Variants in SAMD12 observed in about 807,000 individuals in gnomAD.
SAMD12 encodes sterile alpha motif domain containing 12.
In SAMD12, 9 loss-of-function variants were observed where a neutral mutation model predicts 15.0. The ratio of observed to expected loss-of-function variants is 0.60; its 90% CI spans 0.36 to 1.05. The LOEUF is 1.05. SAMD12 is among the 50% of genes least tolerant of loss of function. SAMD12 has a pLI of 0.01. For synonymous variants in SAMD12, 86 were observed against 90.1 expected, an observed-to-expected ratio of 0.96 and a Z score of 0.25; for missense variants, 230 against 234.2, an observed-to-expected ratio of 0.98 and a Z score of 0.12.
At chr8:118,570,182 G>C (rs536165771) in intron 2 of SAMD12, among the ~76,000 whole-genome samples, 1 of 152,312 alleles carries the variant, frequency 6.6e-6, no homozygotes, top group South Asian at 2.1e-4. Context: ...GAGGGTAGCA[G>C]AAGTCATAGG....
intron 2 of SAMD12, among the ~76,000 whole-genome samples, chr8:118,477,742 C>T (rs1280597946): frequency 1.3e-5 from 2 of 152,026 alleles, no homozygotes; most frequent in Non-Finnish European, 1.5e-5. Context: ...TGGCCGGGCG[C>T]GGTGGCTCAC....
At chr8:118,302,013 A>G (rs1307312314) in intron 4 of SAMD12, among the ~76,000 whole-genome samples, 2 of 151,602 alleles carry the variant, frequency 1.3e-5, no homozygotes, top group African/African-American at 2.4e-5. Flanking sequence ...ACCAGTATAT[A>G]AATACACAGA....
At chr8:118,597,631 T>C (rs1489549426) in intron 1 of SAMD12, among the ~76,000 whole-genome samples, 1 of 152,194 alleles carries the variant, frequency 6.6e-6, no homozygotes, top group African/African-American at 2.4e-5. Context: ...AGGAGTTGGC[T>C]CTGCCAACTG....
the SAMD12 span, among the ~76,000 whole-genome samples, chr8:118,132,373 A>T: frequency 6.6e-6 from 1 of 152,156 alleles, no homozygotes; most frequent in East Asian, 1.9e-4. Context: ...TGCAATGGGG[A>T]ATGCACAACC....
intron 2 of SAMD12, among the ~76,000 whole-genome samples, chr8:118,442,720 T>C (rs920807600): frequency 2.0e-5 from 3 of 152,210 alleles, no homozygotes; most frequent in Non-Finnish European, 4.4e-5. Flanking sequence ...TTCCTTCGGA[T>C]TAGCTGAATG....
chr8:118,582,886 G>A (rs1000809428), intron 1 of SAMD12, among the ~76,000 whole-genome samples: 5 of 150,588 alleles, frequency 3.3e-5, no homozygotes, highest in Admixed American at 3.3e-4. Context: ...CATCTCGGTA[G>A]TTTCATCAAG....
At chr8:118,340,901 G>A (rs991062354) in intron 4 of SAMD12, among the ~76,000 whole-genome samples, 2 of 152,170 alleles carry the variant, frequency 1.3e-5, no homozygotes, top group Non-Finnish European at 2.9e-5. Flanking sequence ...GGAAGGAATG[G>A]GGATCAGAAC....
At chr8:118,286,264 T>G (rs916953435) in intron 4 of SAMD12, among the ~76,000 whole-genome samples, 1 of 151,844 alleles carries the variant, frequency 6.6e-6, no homozygotes, top group African/African-American at 2.4e-5. Flanking sequence ...CATGTATACA[T>G]ATGTAACAAA....
intron 4 of SAMD12, among the ~76,000 whole-genome samples, chr8:118,230,846 A>G (rs978922745): frequency 6.6e-6 from 1 of 152,154 alleles, no homozygotes; most frequent in Non-Finnish European, 1.5e-5. Context: ...GAGGGGCAGG[A>G]AGGAACCCAA....
chr8:118,441,794 C>T (rs186725415), intron 2 of SAMD12, among the ~76,000 whole-genome samples: 81 of 152,224 alleles, frequency 5.3e-4, no homozygotes, highest in African/African-American at 1.9e-3. Flanking sequence ...TGCTATGTGA[C>T]TTCTGAGGTT....
chr8:118,200,119 T>C (rs6983950), intron 4 of SAMD12, among the ~76,000 whole-genome samples: 103,378 of 152,000 alleles, frequency 0.68, 36,660 homozygotes, highest in Middle Eastern at 0.8. Flanking sequence ...ATGTAAGATG[T>C]GACTTTCACC....
At chr8:118,483,234 G>A (rs997856775) in intron 2 of SAMD12, among the ~76,000 whole-genome samples, 13 of 152,162 alleles carry the variant, frequency 8.5e-5, no homozygotes, top group African/African-American at 2.4e-4. Flanking sequence ...GGGAGTGTTC[G>A]AGGTTAAAAC....
Position 118,379,481 on chromosome 8 carries a change from A to G in SAMD12, c.542T>C (p.Val181Ala). ...KTTLLLGQTG[V>A]RENLLLFLHR... ...AAGAAACAATAACAAATTCTCCCTG[A>G]CTCCTGTCTGTCCTAATAGTAAGGT... Residue 181 changes from valine to alanine, a missense_variant, in exon 4 of 4, where the codon GTC becomes GCC. Val to Ala is a moderately conservative substitution (Grantham distance 64). Transcript: ENST00000314727. 1 of 1,613,600 alleles carries G rather than the reference A, an allele frequency of 6.2e-7. No individual in the cohort carries two copies. The highest frequency in any genetic ancestry group is 8.5e-7 in the Non-Finnish European group (1 of 1,179,802).
intron 3 of SAMD12, among the ~76,000 whole-genome samples, chr8:118,418,487 G>A (rs1387637762): frequency 6.6e-6 from 1 of 152,116 alleles, no homozygotes; most frequent in South Asian, 2.1e-4. Flanking sequence ...AGGCCGAGGC[G>A]GGTGGATCAC....
chr8:118,327,806 A>G (rs1668254092), intron 4 of SAMD12, among the ~76,000 whole-genome samples: 1 of 152,166 alleles, frequency 6.6e-6, no homozygotes, highest in African/African-American at 2.4e-5. Context: ...CTGACTGGCA[A>G]AGATGGCCTG....
chr8:118,162,876 C>T, the SAMD12 span, among the ~76,000 whole-genome samples: 1 of 152,066 alleles, frequency 6.6e-6, no homozygotes, highest in African/African-American at 2.4e-5. Flanking sequence ...GTATCAAACA[C>T]AGCATTAAAG....
intron 2 of SAMD12, among the ~76,000 whole-genome samples, chr8:118,480,666 G>A (rs1824100459): frequency 1.3e-5 from 2 of 152,132 alleles, no homozygotes; most frequent in Non-Finnish European, 2.9e-5. Context: ...GGAACAACCA[G>A]AATGATTTTA....
At chr8:118,136,389 C>T in the SAMD12 span, among the ~76,000 whole-genome samples, 1 of 152,200 alleles carries the variant, frequency 6.6e-6, no homozygotes, top group Non-Finnish European at 1.5e-5. Context: ...CCAAAGCCAA[C>T]ATTTTGGAGG....
chr8:118,244,392 C>T (rs937948230), intron 4 of SAMD12, among the ~76,000 whole-genome samples: 2 of 152,092 alleles, frequency 1.3e-5, no homozygotes, highest in Non-Finnish European at 2.9e-5. Flanking sequence ...CTAGGAACTG[C>T]CAGATCTCTT....
Sources: gnomAD v4.1 joint callset for allele counts (sites outside exome capture counted in the v4.1 genomes callset) on GRCh38, gnomAD v4.1.1 for gene constraint, MANE v1.5 for transcripts, NCBI Gene and HGNC (gene_info 2026-07-23, HGNC 2026-07-21) for gene names.